CNNM4: variants seen among roughly 807,000 people sequenced by gnomAD.
CNNM4 encodes cyclin and CBS domain divalent metal cation transport mediator 4.
CNNM4 carries 32 observed loss-of-function variants against 53.7 expected under a neutral mutation model. That is an observed-to-expected ratio of 0.60 (90% CI 0.45 to 0.80). The LOEUF (loss-of-function observed/expected upper bound fraction) is 0.80. Among genes scored for constraint, CNNM4 ranks in the 30% least tolerant of loss-of-function variants. CNNM4 has a pLI of 0.00. For synonymous variants in CNNM4, 410 were observed against 440.0 expected (o/e 0.93, Z 0.85); for missense variants, 784 against 1,022.0 (o/e 0.77, Z 3.17).
chr2:96,793,185 G>A (rs2079076305), intron 1 of CNNM4, among the ~76,000 whole-genome samples: 1 of 152,088 alleles, frequency 6.6e-6, no homozygotes, highest in Non-Finnish European at 1.5e-5. Flanking sequence ...CAGGGGAAAG[G>A]AGGGAGTCAC....
At chr2:96,763,258 G>T (rs183592627) in intron 1 of CNNM4, among the ~76,000 whole-genome samples, 28 of 152,192 alleles carry the variant, frequency 1.8e-4, no homozygotes, top group Admixed American at 1.6e-3. Context: ...TGGCCATTTC[G>T]CAGGTAGTTA....
In CNNM4 at chr2:96,799,649, G is replaced by A. The variant is rs1180652454; in HGVS notation, c.1948+1G>A. On this transcript the variant is annotated splice_donor_variant, in intron 5 of 6. Coordinates refer to ENST00000377075, the MANE Select transcript of CNNM4 (RefSeq NM_020184.4). LOFTEE classifies it high-confidence loss of function. Reference sequence around the variant, plus strand: ...ATGGCCCTGACCTCGGTCCCCTCCGGTGAGTTGTTGGGCATGGTCTTTGCT... The same window carrying A: ...ATGGCCCTGACCTCGGTCCCCTCCGATGAGTTGTTGGGCATGGTCTTTGCT... 1 of 1,550,480 alleles carries A rather than the reference G, an allele frequency of 6.4e-7. No homozygotes were observed. The highest frequency in any genetic ancestry group is 8.7e-7 in the Non-Finnish European group (1 of 1,145,830).
At chr2:96,796,270 G>A (rs1323347907) in intron 1 of CNNM4, among the ~76,000 whole-genome samples, 1 of 147,468 alleles carries the variant, frequency 6.8e-6, no homozygotes, top group Non-Finnish European at 1.5e-5. Flanking sequence ...TCAGCCTTCC[G>A]AGTAGCTGGG....
In CNNM4 at chr2:96,801,685, G is replaced by T. The variant is rs1173910838; in HGVS notation, c.1948+2037G>T. Among the ~76,000 whole-genome samples the T allele has an allele frequency of 9.0e-6, 1 of 111,688 alleles. No individual in the cohort carries two copies. The highest frequency in any genetic ancestry group is 3.0e-4 in the South Asian group (1 of 3,388). 73.3% of individuals were successfully genotyped at this position (111,688 alleles called of 152,430 possible). A position where few individuals can be genotyped will look rare whatever the true frequency, so the allele number is the denominator to read the frequency against. On this transcript the variant is annotated intron_variant, in intron 5 of 6. Coordinates refer to ENST00000377075, the MANE Select transcript of CNNM4 (RefSeq NM_020184.4). This position sits in a 1 kb window ranked among gnomAD's most constrained non-coding sequence, Gnocchi z 5.6. ...ACACACACACACACAGAGACCACAC[G>T]CAGAGAGACCACACACACGCAGAGA...
intron 1 of CNNM4, among the ~76,000 whole-genome samples, chr2:96,767,202 G>A (rs2078826571): frequency 1.3e-5 from 2 of 152,146 alleles, no homozygotes; most frequent in Non-Finnish European, 2.9e-5. Flanking sequence ...CCCAGCTCAC[G>A]GCAGTTAGTG....
At chr2:96,772,411 G>C (rs1467386711) in intron 1 of CNNM4, among the ~76,000 whole-genome samples, 3 of 135,242 alleles carry the variant, frequency 2.2e-5, no homozygotes, top group Non-Finnish European at 4.7e-5. Flanking sequence ...CGTAGGCACA[G>C]GCAGGCGCTC....
chr2:96,801,139 C>T lies in CNNM4; in HGVS notation c.1948+1491C>T, dbSNP rs1476778741. ...CCCTGCTCTGCTGGCTCACAGGTAA[C>T]GTGGCACAGCTGAGGGTCACGCTGC... On this transcript the variant is annotated intron_variant, in intron 5 of 6. Coordinates refer to ENST00000377075, the MANE Select transcript of CNNM4 (RefSeq NM_020184.4). This position sits in a 1 kb window ranked among gnomAD's most constrained non-coding sequence, Gnocchi z 5.6. 11 of 985,062 alleles carry T rather than the reference C, an allele frequency of 1.1e-5. No homozygotes were observed. The highest frequency in any genetic ancestry group is 4.7e-5 in the South Asian group (1 of 21,294). The allele number at this position is 985,062 out of a possible 1,614,324, so 61.0% of individuals were successfully genotyped here. A position where few individuals can be genotyped will look rare whatever the true frequency, so the allele number is the denominator to read the frequency against.
At position 96,800,100 on chromosome 2, in the gene CNNM4, T is replaced by G. The variant is rs923868840; in HGVS notation, c.1948+452T>G. Among the ~76,000 whole-genome samples the G allele has an allele frequency of 6.6e-6, 1 of 152,096 alleles. No homozygotes were observed. The highest frequency in any genetic ancestry group is 1.5e-5 in the Non-Finnish European group (1 of 67,994). On this transcript the variant is annotated intron_variant, in intron 5 of 6. Coordinates refer to ENST00000377075, the MANE Select transcript of CNNM4 (RefSeq NM_020184.4). The surrounding 1 kb of genome is among the most constrained non-coding windows in gnomAD (Gnocchi z 4.6). ...GGTTTGGCTTTTCGGAGGACGCGGC[T>G]ACTGGGTTTTGGTTAGAGGTCAGCT... is the stretch of plus-strand genomic sequence containing the variant.
chr2:96,794,598 A>G (rs1382110830), intron 1 of CNNM4, among the ~76,000 whole-genome samples: 1 of 151,822 alleles, frequency 6.6e-6, no homozygotes, highest in Non-Finnish European at 1.5e-5. Flanking sequence ...CCCTATTGCT[A>G]TTGCTTTAGG....
At position 96,785,708 on chromosome 2, in the gene CNNM4, G is replaced by A. The variant is rs546414829; in HGVS notation, c.1403-11304G>A. Reference sequence around the variant, plus strand: ...AGTCCCAGCTATTCTGGAGGCTGAGGTGGGAGGATTATTTGAGCCCAGGAA... The same window carrying A: ...AGTCCCAGCTATTCTGGAGGCTGAGATGGGAGGATTATTTGAGCCCAGGAA... On this transcript the variant is annotated intron_variant, in intron 1 of 6. Transcript: ENST00000377075. 9.0e-4 allele frequency among the ~76,000 whole-genome samples: 137 copies of A among 152,248 alleles called. 1 individual carries two copies. Among genetic ancestry groups the A allele is most frequent in the African/African-American group, 3.2e-3 (134 of 41,558 alleles).
chr2:96,767,823 G>C (rs1343593873), intron 1 of CNNM4, among the ~76,000 whole-genome samples: 1 of 152,314 alleles, frequency 6.6e-6, no homozygotes, highest in Non-Finnish European at 1.5e-5. Context: ...TGTAATCCTA[G>C]CACTTTGGGA....
intron 1 of CNNM4, among the ~76,000 whole-genome samples, chr2:96,775,413 C>G (rs1019710037): frequency 1.3e-5 from 2 of 152,208 alleles, no homozygotes; most frequent in African/African-American, 4.8e-5. Context: ...TGGTTGCTGT[C>G]ATAATATTCC....
At chr2:96,794,331 A>T (rs1339895457) in intron 1 of CNNM4, among the ~76,000 whole-genome samples, 1 of 152,194 alleles carries the variant, frequency 6.6e-6, no homozygotes, top group Non-Finnish European at 1.5e-5. Flanking sequence ...ATAGAAGGGT[A>T]TATAGAGAGG....
At chr2:96,781,405 A>C (rs2078974452) in intron 1 of CNNM4, among the ~76,000 whole-genome samples, 1 of 152,054 alleles carries the variant, frequency 6.6e-6, no homozygotes, top group Admixed American at 6.6e-5. Flanking sequence ...GCTAGAGCGC[A>C]GTGGCACAAT....
In CNNM4 at chr2:96,799,535, GC is replaced by G. The variant is rs1451958143; in HGVS notation, c.1852-14del. On this transcript the variant is annotated splice_polypyrimidine_tract_variant and intron_variant, in intron 4 of 6. Transcript: ENST00000377075. ...CTCCCTCACTTGGTCTCTAACTCCA[GC>G]CCTGTGTTTTTTCAGGGGAAGGTGG... 5 of 1,549,878 alleles carry G rather than the reference GC, an allele frequency of 3.2e-6. No homozygotes were observed. The East Asian group carries it at 9.8e-5, about 30-fold the overall frequency.
intron 1 of CNNM4, among the ~76,000 whole-genome samples, chr2:96,790,664 GT>G (rs1324476055): frequency 4.9e-5 from 7 of 143,982 alleles, no homozygotes; most frequent in Admixed American, 3.4e-4. Context: ...TAATGGATGT[GT>G]TTTTTTTTTC....
chr2:96,788,170 A>G (rs914034915), intron 1 of CNNM4, among the ~76,000 whole-genome samples: 6 of 151,264 alleles, frequency 4.0e-5, no homozygotes, highest in African/African-American at 1.5e-4. Flanking sequence ...TGATCCGCCC[A>G]TTTTGGCCTC....
chr2:96,802,338 G>A (rs1000994562), intron 5 of CNNM4, among the ~76,000 whole-genome samples: 1 of 152,226 alleles, frequency 6.6e-6, no homozygotes, highest in Non-Finnish European at 1.5e-5. Flanking sequence ...TGCCCTCCAC[G>A]GCCAAGAGGA....
In CNNM4 at chr2:96,809,370, C is replaced by T. The variant is rs745930615; in HGVS notation, c.2181C>T (p.Asn727=). The T allele has an allele frequency of 1.2e-6, 2 of 1,614,182 alleles. No individual in the cohort carries two copies. The highest frequency in any genetic ancestry group is 2.2e-5 in the East Asian group (1 of 44,886). The change falls in exon 7 of 7, where the codon AAC becomes AAT. Residue 727 remains asparagine, a synonymous_variant. Transcript: ENST00000377075. ...GGCTGCTGGCTTCTCGCATGGAGAA[C>T]AGCCCTCAGTTTCCCATAGACGGGT... ...QNGLLASRME[N]SPQFPIDGCT... is the part of the protein sequence containing the mutation.
Sources: gnomAD v4.1 joint callset for allele counts (sites outside exome capture counted in the v4.1 genomes callset) on GRCh38, gnomAD v4.1.1 for gene constraint, Gnocchi (gnomAD v3.1) non-coding constraint, MANE v1.5 for transcripts, NCBI Gene and HGNC (gene_info 2026-07-23, HGNC 2026-07-21) for gene names.